Variants in GATB observed in about 807,000 individuals in gnomAD.
GATB encodes the protein glutamyl-tRNA amidotransferase subunit B, also known as glutamyl-tRNA(Gln) amidotransferase subunit B, mitochondrial.
In GATB, 39 loss-of-function variants were observed where a neutral mutation model predicts 62.3. The ratio of observed to expected loss-of-function variants is 0.63; its 90% CI spans 0.48 to 0.82. The LOEUF is 0.82. GATB is among the 40% of genes least tolerant of loss of function. GATB has a pLI of 0.00. For synonymous variants in GATB, 276 were observed against 258.9 expected (o/e 1.07, Z -0.63); for missense variants, 670 against 684.0 (o/e 0.98, Z 0.23).
intron 2 of GATB, among the ~76,000 whole-genome samples, chr4:151,751,324 T>C (rs1739717274): frequency 1.3e-5 from 2 of 152,228 alleles, no homozygotes; most frequent in South Asian, 4.1e-4. Context: ...TAAATCTTGT[T>C]TTTAAAAATG....
intron 2 of GATB, among the ~76,000 whole-genome samples, chr4:151,741,674 G>T (rs1739490601): frequency 6.6e-6 from 1 of 152,208 alleles, no homozygotes; most frequent in Admixed American, 6.5e-5. Context: ...GGGGAGGCCA[G>T]ACGAGGTCCC....
intron 2 of GATB, among the ~76,000 whole-genome samples, chr4:151,757,154 A>C (rs1739847465): frequency 6.6e-6 from 1 of 152,228 alleles, no homozygotes; most frequent in Non-Finnish European, 1.5e-5. Flanking sequence ...TCAAATAAAC[A>C]AAAAATCTTT....
At chr4:151,732,522 T>C (rs566619638) in intron 2 of GATB, among the ~76,000 whole-genome samples, 1 of 152,112 alleles carries the variant, frequency 6.6e-6, no homozygotes, top group East Asian at 1.9e-4. Context: ...GAAGGCAGCA[T>C]GCTCATTAAG....
chr4:151,711,724 C>G (rs1439034021), intron 5 of GATB, among the ~76,000 whole-genome samples: 1 of 152,222 alleles, frequency 6.6e-6, no homozygotes, highest in Non-Finnish European at 1.5e-5. Context: ...CCCTCCTGAA[C>G]ATAAGATCCA....
intron 9 of GATB, among the ~76,000 whole-genome samples, chr4:151,697,468 T>G (rs1163213312): frequency 2.6e-5 from 4 of 151,706 alleles, no homozygotes; most frequent in African/African-American, 9.7e-5. Context: ...CACTGAAGAC[T>G]TGGAAGGGTG....
intron 12 of GATB, 133 bp downstream of exon 12, chr4:151,672,628 GT>G: frequency 1.2e-6 from 1 of 853,804 alleles, no homozygotes; most frequent in Non-Finnish European, 1.8e-6. Context: ...AAAGATGACA[GT>G]GAGGGAATTA....
At chr4:151,736,852 C>T (rs1174206066) in intron 2 of GATB, among the ~76,000 whole-genome samples, 2 of 152,198 alleles carry the variant, frequency 1.3e-5, no homozygotes, top group East Asian at 1.9e-4. Flanking sequence ...TTTCCTTGCG[C>T]AAGCTCTCCT....
At chr4:151,725,679 AACTT>A (rs1186680440) in intron 2 of GATB, among the ~76,000 whole-genome samples, 4 of 152,370 alleles carry the variant, frequency 2.6e-5, no homozygotes, top group Admixed American at 6.5e-5. Flanking sequence ...AAGATTATAT[AACTT>A]ACTTAAGTCC....
intron 9 of GATB, among the ~76,000 whole-genome samples, chr4:151,696,424 A>G (rs985441621): frequency 1.1e-4 from 16 of 152,248 alleles, no homozygotes; most frequent in Non-Finnish European, 2.4e-4. Context: ...ATGAAACACA[A>G]GTGACTCCAA....
chr4:151,673,382 A>C (rs1331407046), intron 11 of GATB: 1 of 155,086 alleles, frequency 6.4e-6, no homozygotes, highest in Admixed American at 6.3e-5. Flanking sequence ...TTGGTGAAGG[A>C]TGGGGCCACA....
intron 6 of GATB, among the ~76,000 whole-genome samples, chr4:151,707,599 T>A (rs1298576589): frequency 3.3e-5 from 5 of 152,218 alleles, no homozygotes; most frequent in African/African-American, 1.2e-4. Flanking sequence ...GGCCTCAATC[T>A]ACTTTGAATA....
At chr4:151,680,594 TAATG>T (rs1738119691) in intron 10 of GATB, among the ~76,000 whole-genome samples, 1 of 152,206 alleles carries the variant, frequency 6.6e-6, no homozygotes, top group East Asian at 1.9e-4. Flanking sequence ...GAAGGTGAAT[TAATG>T]GTAGGGGTGA....
intron 2 of GATB, among the ~76,000 whole-genome samples, chr4:151,749,585 T>C (rs1253548023): frequency 6.6e-6 from 1 of 151,972 alleles, no homozygotes; most frequent in Non-Finnish European, 1.5e-5. Context: ...CATGTATACA[T>C]ATGTAACAAA....
intron 8 of GATB, among the ~76,000 whole-genome samples, chr4:151,701,820 G>A (rs1399944110): frequency 6.6e-6 from 1 of 152,186 alleles, no homozygotes; most frequent in East Asian, 1.9e-4. Flanking sequence ...CAGGAATTGT[G>A]CCCACAGTTG....
intron 2 of GATB, among the ~76,000 whole-genome samples, chr4:151,731,404 C>T (rs1027345639): frequency 2.6e-5 from 4 of 152,340 alleles, no homozygotes; most frequent in African/African-American, 4.8e-5. Context: ...GACGGAGTCT[C>T]GCTCACTCAG....
chr4:151,755,053 TAA>T (rs1739799713), intron 2 of GATB, among the ~76,000 whole-genome samples: 1 of 152,226 alleles, frequency 6.6e-6, no homozygotes, highest in Non-Finnish European at 1.5e-5. Flanking sequence ...TACCTATTAT[TAA>T]GAGCTTTTTA....
chr4:151,719,141 G>C (rs957925015), intron 3 of GATB, among the ~76,000 whole-genome samples: 1 of 152,226 alleles, frequency 6.6e-6, no homozygotes, highest in Admixed American at 6.5e-5. Context: ...ACCACGGCCA[G>C]GCTGAGCCTG....
chr4:151,715,864 CA>C (rs1469376463), intron 5 of GATB, 144 bp downstream of exon 5: 8 of 951,402 alleles, frequency 8.4e-6, no homozygotes, highest in African/African-American at 1.7e-5. Flanking sequence ...ACAACAACAA[CA>C]AAAAAACAGG....
intron 10 of GATB, among the ~76,000 whole-genome samples, chr4:151,685,858 C>A (rs1326105495): frequency 6.6e-6 from 1 of 151,378 alleles, no homozygotes; most frequent in African/African-American, 2.4e-5. Context: ...GACCAGCCTG[C>A]CCAACATGGT....
Sources: allele counts gnomAD v4.1 joint callset (sites outside exome capture counted in the v4.1 genomes callset), GRCh38; gene constraint gnomAD v4.1.1; transcripts MANE v1.5; gene names NCBI Gene and HGNC (gene_info 2026-07-23, HGNC 2026-07-21).